Variants in MYO10 observed in about 807,000 individuals in gnomAD.
MYO10 encodes the protein unconventional myosin-X.
Under a neutral mutation model 257.3 loss-of-function variants are expected in MYO10, and 133 were observed. That is an observed-to-expected ratio of 0.52 (90% CI 0.45 to 0.60). The LOEUF (loss-of-function observed/expected upper bound fraction) is 0.60, where lower values mean the gene tolerates loss of function less well. Among genes scored for constraint, MYO10 ranks in the 20% least tolerant of loss-of-function variants. The probability of loss-of-function intolerance (pLI) is 0.00; values close to 1 mark genes in which losing one functional copy is unlikely to be tolerated. For synonymous variants in MYO10, 1,104 were observed against 1,028.6 expected (o/e 1.07, Z -1.40); for missense variants, 2,399 against 2,635.7 (o/e 0.91, Z 1.97).
intron 19 of MYO10, among the ~76,000 whole-genome samples, chr5:16,726,638 G>A (rs1002741981): frequency 2.6e-5 from 4 of 152,150 alleles, no homozygotes; most frequent in African/African-American, 9.7e-5. Context: ...TTCAGGAAAG[G>A]GGGAGTTCCT....
intron 16 of MYO10, 90 bp downstream of exon 16, chr5:16,761,955 C>A (rs1740724937): frequency 5.3e-6 from 7 of 1,318,120 alleles, no homozygotes; most frequent in Non-Finnish European, 7.1e-6. Context: ...CCATGCCCAG[C>A]CCAATAAATT....
At chr5:16,903,658 T>C (rs567877831) in intron 1 of MYO10, among the ~76,000 whole-genome samples, 2 of 152,134 alleles carry the variant, frequency 1.3e-5, no homozygotes, top group African/African-American at 4.8e-5. Flanking sequence ...TATTAGAAAA[T>C]AGTCCAGCCT....
rs774936844 is a variant in MYO10 at position 16,794,679 on chromosome 5, C to G, written c.434G>C (p.Trp145Ser). The change falls in exon 4 of 41, where the codon TGG becomes TCG. Residue 145 changes from tryptophan to serine, a missense_variant. Physicochemically the swap from Trp to Ser is radical, Grantham distance 177. Coordinates refer to ENST00000513610, the MANE Select transcript of MYO10 (RefSeq NM_012334.3). ...AIANECYRCL[W>S]KRHDNQCILI... ...GATGCACTGGTTGTCGTGGCGCTTC[C>G]ACAGGCAGCGGTAGCACTCGTTGGC... 6.2e-7 allele frequency: 1 copy of G among 1,612,932 alleles called. No homozygotes were observed. The highest frequency in any genetic ancestry group is 8.5e-7 in the Non-Finnish European group (1 of 1,179,460).
intron 2 of MYO10, among the ~76,000 whole-genome samples, chr5:16,837,967 G>C (rs945673831): frequency 2.6e-5 from 4 of 151,824 alleles, no homozygotes; most frequent in African/African-American, 4.8e-5. Flanking sequence ...TAATTGTTTG[G>C]GGGCGCCACA....
intron 2 of MYO10, among the ~76,000 whole-genome samples, chr5:16,838,867 A>T (rs1743388957): frequency 1.3e-5 from 2 of 152,196 alleles, no homozygotes. Context: ...ATCTCTATAA[A>T]CGGAATAACA....
intron 2 of MYO10, among the ~76,000 whole-genome samples, chr5:16,853,145 C>G (rs1011824925): frequency 6.6e-6 from 1 of 151,974 alleles, no homozygotes; most frequent in Non-Finnish European, 1.5e-5. Context: ...CTGAGGTGGG[C>G]GGATCACACA....
At chr5:16,887,550 G>C (rs567512396) in intron 1 of MYO10, among the ~76,000 whole-genome samples, 2 of 152,180 alleles carry the variant, frequency 1.3e-5, no homozygotes, top group Non-Finnish European at 2.9e-5. Flanking sequence ...GAATGCAGTG[G>C]CATGATCTCG....
At chr5:16,874,105 T>C (rs998122155) in intron 2 of MYO10, among the ~76,000 whole-genome samples, 3 of 151,840 alleles carry the variant, frequency 2.0e-5, no homozygotes, top group African/African-American at 7.3e-5. Context: ...GAGGCCAACG[T>C]GGGTGGATCA....
chr5:16,860,123 G>T (rs1744068032), intron 2 of MYO10, among the ~76,000 whole-genome samples: 1 of 152,178 alleles, frequency 6.6e-6, no homozygotes, highest in African/African-American at 2.4e-5. Context: ...GGAAGAAGCG[G>T]CCAATCACTG....
chr5:16,680,579 C>T (rs1471817547), intron 32 of MYO10, among the ~76,000 whole-genome samples: 1 of 152,090 alleles, frequency 6.6e-6, no homozygotes, highest in African/African-American at 2.4e-5. Flanking sequence ...AAACCTGACG[C>T]GAATGGAACA....
intron 9 of MYO10, among the ~76,000 whole-genome samples, chr5:16,775,161 T>C (rs1741178036): frequency 6.6e-6 from 1 of 152,176 alleles, no homozygotes; most frequent in Non-Finnish European, 1.5e-5. Context: ...TAGCTTTTCA[T>C]CCTGACCTAA....
intron 19 of MYO10, among the ~76,000 whole-genome samples, chr5:16,747,780 G>A (rs575631963): frequency 1.1e-4 from 16 of 151,794 alleles, no homozygotes; most frequent in South Asian, 8.3e-4. Context: ...TTAGCCGTGC[G>A]GGGTGGCAGG....
intron 36 of MYO10, among the ~76,000 whole-genome samples, chr5:16,673,278 T>C (rs1054279220): frequency 2.0e-5 from 3 of 152,010 alleles, no homozygotes; most frequent in Admixed American, 6.6e-5. Flanking sequence ...ACTGGTTTTA[T>C]AATAGTAAGT....
At chr5:16,741,704 A>C (rs763788556) in intron 19 of MYO10, 1 of 817,912 alleles carries the variant, frequency 1.2e-6, no homozygotes, top group Non-Finnish European at 1.5e-6. Flanking sequence ...GAAACAGCAA[A>C]ATCTGTTCCC....
At chr5:16,921,016 G>A (rs761485818) in intron 1 of MYO10, among the ~76,000 whole-genome samples, 46 of 152,066 alleles carry the variant, frequency 3.0e-4, no homozygotes, top group Non-Finnish European at 5.4e-4. Flanking sequence ...TACTCGGCAG[G>A]CTGAGGCAGG....
chr5:16,792,595 G>T (rs1051297183), intron 4 of MYO10, among the ~76,000 whole-genome samples: 59 of 151,632 alleles, frequency 3.9e-4, no homozygotes, highest in East Asian at 9.7e-4. Flanking sequence ...GGGGGCGGGG[G>T]GCTGCTCTAA....
chr5:16,684,083 C>A (rs990910301), intron 29 of MYO10, 148 bp from the exon 30 acceptor site: 5 of 716,008 alleles, frequency 7.0e-6, no homozygotes, highest in Admixed American at 4.8e-5. Context: ...TGAGACGACT[C>A]CTCTGTTGTG....
chr5:16,790,895 T>TTATA (rs576552609), intron 4 of MYO10, among the ~76,000 whole-genome samples: 5,386 of 144,326 alleles, frequency 0.037, 124 homozygotes, highest in Non-Finnish European at 0.045. Context: ...AGTTTTAAAT[T>TTATA]TATATATATA....
At chr5:16,730,300 T>C (rs1304096548) in intron 19 of MYO10, among the ~76,000 whole-genome samples, 5 of 152,152 alleles carry the variant, frequency 3.3e-5, no homozygotes, top group Admixed American at 2.0e-4. Context: ...ATTGGCAGAA[T>C]TACTCTGTCT....
Sources: allele counts gnomAD v4.1 joint callset (sites outside exome capture counted in the v4.1 genomes callset), GRCh38; gene constraint gnomAD v4.1.1; transcripts MANE v1.5; gene names NCBI Gene and HGNC (gene_info 2026-07-23, HGNC 2026-07-21).